The following SRRM3 variants were observed in gnomAD, a reference collection of about 807,000 sequenced individuals.
SRRM3 encodes the protein serine/arginine repetitive matrix 3.
A neutral mutation model predicts 66.2 loss-of-function variants in SRRM3; 27 were observed. That is an observed-to-expected ratio of 0.41 (90% CI 0.30 to 0.56). The LOEUF is 0.56. SRRM3 is among the 20% of genes least tolerant of loss of function. SRRM3 has a pLI of 0.32. For synonymous variants in SRRM3, 391 were observed against 414.9 expected, an observed-to-expected ratio of 0.94 and a Z score of 0.70; for missense variants, 918 against 991.9, an observed-to-expected ratio of 0.93 and a Z score of 1.00.
intron 3 of SRRM3, among the ~76,000 whole-genome samples, chr7:76,253,632 A>T (rs1801634962): frequency 2.6e-5 from 4 of 151,530 alleles, no homozygotes; most frequent in Admixed American, 1.3e-4. Flanking sequence ...AAAAAATTAA[A>T]AAAATAAAAT....
rs570557566 is a variant in SRRM3 at position 76,218,529 on chromosome 7, C to T, written c.-40+16462C>T. ...GGCCACTGAGGGCCCTGACAGAGAG[C>T]AGGAAGACTGAGTAAGGCAGGGATT... On this transcript the variant is annotated intron_variant, in intron 1 of 14. Coordinates refer to ENST00000611745, the MANE Select transcript of SRRM3 (RefSeq NM_001110199.3). Among the ~76,000 whole-genome samples, 22 of 152,180 alleles carry T rather than the reference C, an allele frequency of 1.4e-4. 2 individuals are homozygous for T. In the South Asian group the frequency reaches 4.2e-3, roughly 29 times the overall value.
rs966040717 is a variant in SRRM3, at chr7:76,234,991, G to A, written c.-39-37G>A. On this transcript the variant is annotated intron_variant, in intron 1 of 14. Coordinates refer to ENST00000611745, the MANE Select transcript of SRRM3 (RefSeq NM_001110199.3). Reference sequence around the variant, plus strand: ...GAGGAGCTTAACAGGTGGCGAAGAAGTGACCATCCCGCCTCGTGTCTGTGT... The same window carrying A: ...GAGGAGCTTAACAGGTGGCGAAGAAATGACCATCCCGCCTCGTGTCTGTGT... 4.7e-6 allele frequency: 6 copies of A among 1,271,616 alleles called. No homozygotes were observed. In the Admixed American group the frequency reaches 8.0e-5, roughly 17 times the overall value. The allele number at this position is 1,271,616 out of a possible 1,614,324, so 78.8% of individuals were successfully genotyped here.
intron 10 of SRRM3, among the ~76,000 whole-genome samples, chr7:76,265,851 T>TTTA (rs1563634583): frequency 0.014 from 186 of 13,066 alleles, 36 homozygotes; most frequent in African/African-American, 0.07. Flanking sequence ...TATATATATA[T>TTTA]ATATATATTT....
At chr7:76,212,997 C>G (rs2116942414) in intron 1 of SRRM3, among the ~76,000 whole-genome samples, 1 of 144,334 alleles carries the variant, frequency 6.9e-6, no homozygotes, top group Non-Finnish European at 1.5e-5. Flanking sequence ...CACTTTACAC[C>G]CCATTCCTTT....
intron 3 of SRRM3, among the ~76,000 whole-genome samples, chr7:76,255,446 G>A (rs1801691581): frequency 6.6e-6 from 1 of 151,884 alleles, no homozygotes; most frequent in African/African-American, 2.4e-5. Flanking sequence ...ACCACGCCCA[G>A]CTATTTTTTC....
intron 1 of SRRM3, among the ~76,000 whole-genome samples, chr7:76,218,430 C>T (rs963621987): frequency 1.3e-5 from 2 of 152,020 alleles, no homozygotes; most frequent in African/African-American, 4.8e-5. Context: ...TCCACCCCAC[C>T]CCCATCTCCA....
At chr7:76,214,569 G>A (rs2116946154) in intron 1 of SRRM3, among the ~76,000 whole-genome samples, 1 of 152,236 alleles carries the variant, frequency 6.6e-6, no homozygotes, top group African/African-American at 2.4e-5. Context: ...AGCTGGGAGT[G>A]TGCAGGTGGC....
intron 1 of SRRM3, among the ~76,000 whole-genome samples, chr7:76,207,956 G>A (rs1800340815): frequency 6.6e-6 from 1 of 152,178 alleles, no homozygotes; most frequent in Admixed American, 6.5e-5. Context: ...GTGGAGCTGA[G>A]AGCAGCAGAG....
chr7:76,218,674 C>CTT (rs11349335), intron 1 of SRRM3, among the ~76,000 whole-genome samples: 1,032 of 76,344 alleles, frequency 0.014, 50 homozygotes, highest in African/African-American at 0.033. Flanking sequence ...GCTTTCTTTT[C>CTT]TTTTTTTTTT....
intron 10 of SRRM3, among the ~76,000 whole-genome samples, chr7:76,266,218 A>T (rs1802028309): frequency 1.1e-5 from 1 of 87,044 alleles, no homozygotes; most frequent in African/African-American, 7.0e-5. Context: ...ATATATATAA[A>T]TATTTATATA....
intron 1 of SRRM3, among the ~76,000 whole-genome samples, chr7:76,204,466 G>A (rs555895671): frequency 2.0e-5 from 3 of 152,308 alleles, no homozygotes; most frequent in African/African-American, 7.2e-5. Context: ...GCCTGAAGGT[G>A]TGATGGGACT....
intron 2 of SRRM3, among the ~76,000 whole-genome samples, chr7:76,235,765 G>C (rs1267558698): frequency 6.6e-6 from 1 of 151,780 alleles, no homozygotes; most frequent in African/African-American, 2.4e-5. Context: ...CAGAACTTTG[G>C]GGGGCCTAGG....
At chr7:76,281,144 C>T (rs953011915) in intron 11 of SRRM3, among the ~76,000 whole-genome samples, 10 of 149,584 alleles carry the variant, frequency 6.7e-5, no homozygotes, top group Admixed American at 6.0e-4. Flanking sequence ...TCTCTGCCTC[C>T]TCCCTCTCTC....
rs115710990 is a variant in SRRM3, at chr7:76,236,444, G to C, written c.233+1145G>C. ...AAATCGGAAATTCCCTACACGGGGT[G>C]GGGGGGCGGGGAGCTGGAGCCTGGA... is the stretch of plus-strand genomic sequence containing the variant. On this transcript the variant is annotated intron_variant, in intron 2 of 14. Coordinates refer to ENST00000611745, the MANE Select transcript of SRRM3 (RefSeq NM_001110199.3). Among the ~76,000 whole-genome samples, 13 of 150,798 alleles carry C rather than the reference G, an allele frequency of 8.6e-5. No homozygotes were observed. The East Asian group carries it at 1.6e-3, about 18-fold the overall frequency.
At chr7:76,221,276 A>G (rs1800709177) in intron 1 of SRRM3, among the ~76,000 whole-genome samples, 1 of 150,544 alleles carries the variant, frequency 6.6e-6, no homozygotes, top group South Asian at 2.1e-4. Context: ...GCTGGTCTCG[A>G]ACTCCTGACC....
chr7:76,277,203 AC>A (rs1220928807), intron 11 of SRRM3, among the ~76,000 whole-genome samples: 2 of 152,126 alleles, frequency 1.3e-5, no homozygotes, highest in African/African-American at 4.8e-5. Context: ...GGGGGCTTGG[AC>A]CTTGATGGTA....
chr7:76,255,144 C>CTTTTTTTTTTTTTTTTT (rs1309988503), intron 3 of SRRM3, among the ~76,000 whole-genome samples: 1 of 70,316 alleles, frequency 1.4e-5, no homozygotes, highest in African/African-American at 5.7e-5. Flanking sequence ...TTCTTTCTTT[C>CTTTTTTTTTTTTTTTTT]TTTCTTTTTT....
chr7:76,282,840 C>G lies in SRRM3; in HGVS notation c.1563C>G (p.Ser521Arg). Residue 521 changes from serine (S) to arginine (R), a missense_variant, in exon 13 of 15, where the codon AGC becomes AGG. Ser to Arg is a moderately radical substitution (Grantham distance 110, BLOSUM62 -1). Coordinates refer to ENST00000611745, the MANE Select transcript of SRRM3 (RefSeq NM_001110199.3). The part of the protein sequence containing the change: ...RSAEKRPHSP[S>R]RSPSPKKPLS... ...CGGAGAAGCGGCCCCACAGCCCCAG[C>G]CGCTCGCCGTCGCCCAAGAAGCCCC... The G allele has an allele frequency of 1.4e-6, 2 of 1,455,592 alleles. No homozygotes were observed. The highest frequency in any genetic ancestry group is 1.8e-6 in the Non-Finnish European group (2 of 1,108,806). 90.2% of individuals were successfully genotyped at this position (1,455,592 alleles called of 1,614,324 possible). A position where few individuals can be genotyped will look rare whatever the true frequency, so the allele number is the denominator to read the frequency against.
chr7:76,206,172 AATT>A (rs1800298568), intron 1 of SRRM3, among the ~76,000 whole-genome samples: 1 of 152,126 alleles, frequency 6.6e-6, no homozygotes, highest in South Asian at 2.1e-4. Context: ...CACACCAAGC[AATT>A]ATTATTATTT....
Sources: allele counts gnomAD v4.1 joint callset (sites outside exome capture counted in the v4.1 genomes callset), GRCh38; gene constraint gnomAD v4.1.1; transcripts MANE v1.5; gene names NCBI Gene and HGNC (gene_info 2026-07-23, HGNC 2026-07-21).